The following EDNRB variants were observed in gnomAD, a reference collection of about 807,000 sequenced individuals.
EDNRB encodes the protein endothelin receptor type B.
EDNRB carries 18 observed loss-of-function variants against 46.4 expected under a neutral mutation model. The observed-to-expected ratio is 0.39, with a 90% CI of 0.27 to 0.57. EDNRB has a LOEUF of 0.57. EDNRB is among the 20% of genes least tolerant of loss of function. The pLI, the probability that EDNRB is intolerant of heterozygous loss-of-function variation, is 0.61. For missense variants in EDNRB, 434 were observed against 537.5 expected, an observed-to-expected ratio of 0.81 and a Z score of 1.90; for synonymous variants, 213 against 204.9, an observed-to-expected ratio of 1.04 and a Z score of -0.34.
At chr13:77,905,645 T>C (rs911197320) in intron 1 of EDNRB, among the ~76,000 whole-genome samples, 1 of 151,908 alleles carries the variant, frequency 6.6e-6, no homozygotes, top group Non-Finnish European at 1.5e-5. Flanking sequence ...AGGGTGGGAT[T>C]TGAGGTGTTT....
chr13:77,930,090 G>A (rs1328498685), intron 1 of EDNRB, among the ~76,000 whole-genome samples: 1 of 152,146 alleles, frequency 6.6e-6, no homozygotes, highest in Admixed American at 6.6e-5. Context: ...TATTGGCATT[G>A]GTGGTTATGT....
chr13:77,897,843 A>G lies in EDNRB; in HGVS notation c.*357T>C, dbSNP rs1190893430. On this transcript the variant is annotated 3_prime_UTR_variant, in exon 7 of 7. Transcript: ENST00000646607. Reference sequence around the variant, plus strand: ...CTTCCTTTATATCAGAGTCCCATTGATTTAAAAATAAATCTCTTTTTAGAA... The same window carrying G: ...CTTCCTTTATATCAGAGTCCCATTGGTTTAAAAATAAATCTCTTTTTAGAA... The G allele has an allele frequency of 9.7e-7, 1 of 1,027,554 alleles. No individual in the cohort carries two copies. The highest frequency in any genetic ancestry group is 1.2e-6 in the Non-Finnish European group (1 of 855,460). The allele number at this position is 1,027,554 out of a possible 1,614,324, so 63.7% of individuals were successfully genotyped here.
intron 1 of EDNRB, among the ~76,000 whole-genome samples, chr13:77,952,239 C>T (rs1881113389): frequency 6.6e-6 from 1 of 152,116 alleles, no homozygotes; most frequent in African/African-American, 2.4e-5. Context: ...TCCACCCTGG[C>T]TACAGTGCTT....
At chr13:77,942,689 TAGATA>T (rs547382512) in intron 1 of EDNRB, among the ~76,000 whole-genome samples, 1 of 152,130 alleles carries the variant, frequency 6.6e-6, no homozygotes, top group Non-Finnish European at 1.5e-5. Context: ...ATCTAACATC[TAGATA>T]AAACTACATA....
intron 1 of EDNRB, among the ~76,000 whole-genome samples, chr13:77,973,473 T>C (rs533883830): frequency 1.8e-4 from 28 of 152,180 alleles, no homozygotes; most frequent in Non-Finnish European, 3.7e-4. Context: ...TTTATTTTAA[T>C]GTCCAGTTTA....
intron 1 of EDNRB, among the ~76,000 whole-genome samples, chr13:77,952,891 C>T (rs533979700): frequency 1.9e-4 from 29 of 152,260 alleles, no homozygotes; most frequent in African/African-American, 6.5e-4. Context: ...GAGGTTAACA[C>T]AAGCAGGGCT....
At chr13:77,962,370 C>A (rs1472544160) in intron 1 of EDNRB, among the ~76,000 whole-genome samples, 1 of 152,074 alleles carries the variant, frequency 6.6e-6, no homozygotes, top group Non-Finnish European at 1.5e-5. Flanking sequence ...AACTTTGATG[C>A]AAAAATCCTC....
chr13:77,922,386 C>T (rs1306240670), upstream of EDNRB, among the ~76,000 whole-genome samples: 1 of 152,124 alleles, frequency 6.6e-6, no homozygotes, highest in Non-Finnish European at 1.5e-5. Context: ...AACCTTTTCG[C>T]CTGGTGACAG....
chr13:77,906,831 A>C (rs1346170666), intron 1 of EDNRB, among the ~76,000 whole-genome samples: 1 of 151,976 alleles, frequency 6.6e-6, no homozygotes, highest in East Asian at 1.9e-4. Flanking sequence ...TAAGCCACTA[A>C]ATTGTAGGGT....
chr13:77,901,094 A>G lies in EDNRB; in HGVS notation c.915T>C (p.Ser305=), dbSNP rs1227770715. The change falls in exon 4 of 7, where the codon AGT becomes AGC. Residue 305 remains serine (S), a synonymous_variant. Coordinates refer to ENST00000646607, the MANE Select transcript of EDNRB (RefSeq NM_001122659.3). ...GATCATTTAAAGCAATCTGCATGCC[A>G]CTTTTCTTTCTCAACATTTCACAGG... ...LMTCEMLRKK[S]GMQIALNDHL... 1 of 1,611,236 alleles carries G rather than the reference A, an allele frequency of 6.2e-7. No homozygotes were observed. Among genetic ancestry groups the G allele is most frequent in the Non-Finnish European group, 8.5e-7 (1 of 1,178,418 alleles).
intron 3 of EDNRB, among the ~76,000 whole-genome samples, chr13:77,902,602 C>T (rs1032604449): frequency 1.1e-4 from 16 of 151,870 alleles, no homozygotes; most frequent in Non-Finnish European, 2.9e-5. Flanking sequence ...CTACTCACCC[C>T]ACCACTCCAG....
In EDNRB at chr13:77,930,100, T is replaced by C. The variant is rs1880350543; in HGVS notation, c.-51-11476A>G. Reference sequence around the variant, plus strand: ...GCAATTATTGGCATTGGTGGTTATGTTGGATTGCCTTTTTTTTTGATGATC... The same window carrying C: ...GCAATTATTGGCATTGGTGGTTATGCTGGATTGCCTTTTTTTTTGATGATC... On this transcript the variant is annotated intron_variant, in intron 1 of 7. Coordinates refer to the EDNRB transcript ENST00000646948. Among the ~76,000 whole-genome samples the C allele has an allele frequency of 2.6e-5, 4 of 152,288 alleles. No individual in the cohort carries two copies. The South Asian group carries it at 8.3e-4, about 32-fold the overall frequency.
rs772385532 is a variant in EDNRB, at chr13:77,903,575, C to G, written c.516G>C (p.Glu172Asp). ...GTATGAAAGGCACCAGCTTACACAT[C>G]TCAGCTCCAAATGGCCAGTCCTCTG... The part of the protein sequence containing the change: ...LLAEDWPFGA[E>D]MCKLVPFIQK... The change falls in exon 2 of 7, where the codon GAG becomes GAC. Residue 172 changes from glutamate to aspartate, a missense_variant. Coordinates refer to ENST00000646607, the MANE Select transcript of EDNRB (RefSeq NM_001122659.3). 2 of 1,612,810 alleles carry G rather than the reference C, an allele frequency of 1.2e-6. No individual in the cohort carries two copies. Among genetic ancestry groups the G allele is most frequent in the Non-Finnish European group, 1.7e-6 (2 of 1,179,220 alleles).
intron 1 of EDNRB, among the ~76,000 whole-genome samples, chr13:77,970,063 T>A (rs565911494): frequency 1.3e-5 from 2 of 152,356 alleles, no homozygotes; most frequent in Non-Finnish European, 2.9e-5. Context: ...CAAGATTTTT[T>A]AGGAACCAGT....
In EDNRB at chr13:77,896,039, G is replaced by T; in HGVS notation, c.*2161C>A. The T allele has an allele frequency of 6.5e-6, 1 of 153,424 alleles. No homozygotes were observed. Among genetic ancestry groups the T allele is most frequent in the Middle Eastern group, 3.3e-3 (1 of 300 alleles). 9.5% of individuals were successfully genotyped at this position (153,424 alleles called of 1,614,324 possible). A position where few individuals can be genotyped will look rare whatever the true frequency, so the allele number is the denominator to read the frequency against. On this transcript the variant is annotated 3_prime_UTR_variant, in exon 7 of 7. Coordinates refer to ENST00000646607, the MANE Select transcript of EDNRB (RefSeq NM_001122659.3). ...CTTTTTCTATCTTGGTTTTGAGTAT[G>T]TAAAGAAATTATAATTGTTTCTTAC...
At chr13:77,926,838 G>A (rs147644232) in intron 1 of EDNRB, among the ~76,000 whole-genome samples, 269 of 152,330 alleles carry the variant, frequency 1.8e-3, no homozygotes, top group African/African-American at 6.1e-3. Context: ...TGGACTTAAA[G>A]TTCTACATGG....
intron 6 of EDNRB, 121 bp from the exon 7 acceptor site, chr13:77,898,455 G>T: frequency 7.2e-7 from 1 of 1,381,450 alleles, no homozygotes; most frequent in South Asian, 1.3e-5. Context: ...TTCTTTCAGT[G>T]CTCTTTTATT....
chr13:77,951,962 C>T (rs1881105264), intron 1 of EDNRB, among the ~76,000 whole-genome samples: 1 of 152,036 alleles, frequency 6.6e-6, no homozygotes, highest in African/African-American at 2.4e-5. Context: ...TGGTGGTTTG[C>T]CAGAAATATG....
chr13:77,941,418 G>C (rs1407605876), intron 1 of EDNRB, among the ~76,000 whole-genome samples: 4 of 152,182 alleles, frequency 2.6e-5, no homozygotes, highest in Admixed American at 2.6e-4. Flanking sequence ...TAAATGACCA[G>C]AGTTCACAAG....
Sources: allele counts gnomAD v4.1 joint callset (sites outside exome capture counted in the v4.1 genomes callset), GRCh38; gene constraint gnomAD v4.1.1; transcripts MANE v1.5; gene names NCBI Gene and HGNC (gene_info 2026-07-23, HGNC 2026-07-21).